The following TMEM132B variants were observed in gnomAD, a reference collection of about 807,000 sequenced individuals.
The protein encoded by TMEM132B is transmembrane protein 132B.
Under a neutral mutation model 90.8 loss-of-function variants are expected in TMEM132B, and 18 were observed. The ratio of observed to expected loss-of-function variants is 0.20; its 90% CI spans 0.14 to 0.29. The LOEUF (loss-of-function observed/expected upper bound fraction) is 0.29. TMEM132B is among the 10% of genes least tolerant of loss of function. TMEM132B has a pLI of 1.00. For synonymous variants in TMEM132B, 504 were observed against 523.3 expected (o/e 0.96, Z 0.50); for missense variants, 1,096 against 1,326.8 (o/e 0.83, Z 2.70).
At position 125,458,162 on chromosome 12, in the gene TMEM132B, G is replaced by A. The variant is rs569991857; in HGVS notation, c.1106+42485G>A. ...AGGACTCAGGGACAGAATCTGTGTGGGGGATGGAGCTGAGTGGGAGGCAGT... is the reference window on the plus strand; with the variant it reads ...AGGACTCAGGGACAGAATCTGTGTGAGGGATGGAGCTGAGTGGGAGGCAGT... On this transcript the variant is annotated intron_variant, in intron 3 of 8. Transcript: ENST00000682704. The surrounding 1 kb of genome is among the most constrained non-coding windows in gnomAD (Gnocchi z 4.9). 3.8e-4 allele frequency among the ~76,000 whole-genome samples: 58 copies of A among 152,172 alleles called. 1 individual carries two copies. In the South Asian group the frequency reaches 8.5e-3, roughly 22 times the overall value.
At chr12:125,306,514 G>A (rs1875973782) in intron 1 of TMEM132B, among the ~76,000 whole-genome samples, 2 of 152,136 alleles carry the variant, frequency 1.3e-5, no homozygotes, top group Admixed American at 6.6e-5. Flanking sequence ...ACTGCTGATG[G>A]CAATTCCATC....
At chr12:125,506,240 C>T (rs1046745098) in intron 3 of TMEM132B, among the ~76,000 whole-genome samples, 1 of 152,198 alleles carries the variant, frequency 6.6e-6, no homozygotes, top group Non-Finnish European at 1.5e-5. Context: ...CCATCAAAGC[C>T]TCATGTTAAA....
chr12:125,614,437 A>C (rs1346426513), intron 5 of TMEM132B, among the ~76,000 whole-genome samples: 2 of 152,138 alleles, frequency 1.3e-5, no homozygotes, highest in East Asian at 3.8e-4. Flanking sequence ...GCTGCAAAGG[A>C]CATGATTTCA....
chr12:125,593,774 A>G (rs1885374881), intron 5 of TMEM132B, among the ~76,000 whole-genome samples: 1 of 152,230 alleles, frequency 6.6e-6, no homozygotes, highest in Non-Finnish European at 1.5e-5. Flanking sequence ...AGAAACTCAA[A>G]TTAAAAAACT....
intron 4 of TMEM132B, among the ~76,000 whole-genome samples, chr12:125,521,464 G>A (rs1883305737): frequency 6.6e-6 from 1 of 152,368 alleles, no homozygotes; most frequent in African/African-American, 2.4e-5. Flanking sequence ...AGAGTCTGAT[G>A]TGAAGCAGAA....
intron 2 of TMEM132B, among the ~76,000 whole-genome samples, chr12:125,373,146 C>T (rs1348459237): frequency 2.0e-5 from 3 of 152,222 alleles, no homozygotes; most frequent in African/African-American, 7.2e-5. Context: ...CAGCTCCATG[C>T]GGGCAGGGAC....
intron 3 of TMEM132B, among the ~76,000 whole-genome samples, chr12:125,422,729 C>T (rs940444316): frequency 1.3e-5 from 2 of 152,108 alleles, no homozygotes; most frequent in African/African-American, 2.4e-5. Context: ...GACAGGGATG[C>T]GAGTGATGCA....
At chr12:125,531,179 T>G (rs1015664273) in intron 4 of TMEM132B, among the ~76,000 whole-genome samples, 2 of 152,176 alleles carry the variant, frequency 1.3e-5, no homozygotes, top group African/African-American at 4.8e-5. Flanking sequence ...TCTTTTCTTT[T>G]TGTTTTGTTT....
At chr12:125,261,547 C>T (rs1000843863) in intron 1 of TMEM132B, among the ~76,000 whole-genome samples, 1 of 152,152 alleles carries the variant, frequency 6.6e-6, no homozygotes, top group African/African-American at 2.4e-5. Flanking sequence ...ATTTCCTATA[C>T]CCCAAATCAG....
At chr12:125,628,531 T>C (rs1043450489) in intron 5 of TMEM132B, among the ~76,000 whole-genome samples, 2 of 152,302 alleles carry the variant, frequency 1.3e-5, no homozygotes, top group Middle Eastern at 3.4e-3. Flanking sequence ...GAGCTCCTTA[T>C]ATATTCTGGC....
At chr12:125,637,595 G>C (rs1472273086) in intron 5 of TMEM132B, among the ~76,000 whole-genome samples, 1 of 152,124 alleles carries the variant, frequency 6.6e-6, no homozygotes, top group Non-Finnish European at 1.5e-5. Flanking sequence ...ACTTGAAGCG[G>C]GTAGGGGACT....
chr12:125,548,569 A>G (rs1419435424), intron 4 of TMEM132B, among the ~76,000 whole-genome samples: 1 of 152,200 alleles, frequency 6.6e-6, no homozygotes, highest in Non-Finnish European at 1.5e-5. Context: ...GAGACAGGAA[A>G]GGCTCACAGT....
intron 1 of TMEM132B, among the ~76,000 whole-genome samples, chr12:125,320,775 T>C (rs1443211465): frequency 6.6e-6 from 1 of 152,206 alleles, no homozygotes; most frequent in Non-Finnish European, 1.5e-5. Flanking sequence ...AGGCTGGTCT[T>C]AGACATTGGG....
intron 3 of TMEM132B, among the ~76,000 whole-genome samples, chr12:125,505,615 C>T (rs1882826497): frequency 6.6e-6 from 1 of 151,566 alleles, no homozygotes; most frequent in Non-Finnish European, 1.5e-5. Flanking sequence ...AGGAGAATCG[C>T]ATGAACCGGG....
intron 1 of TMEM132B, among the ~76,000 whole-genome samples, chr12:125,319,721 A>G (rs1278895278): frequency 6.6e-6 from 1 of 152,180 alleles, no homozygotes; most frequent in Non-Finnish European, 1.5e-5. Context: ...CAGTGATCAG[A>G]AGGGAGCCAC....
At chr12:125,409,706 TGGAGTGAGTGGAGTGGAGTGAGTG>T (rs1879657741) in intron 2 of TMEM132B, among the ~76,000 whole-genome samples, 1 of 33,186 alleles carries the variant, frequency 3.0e-5, no homozygotes. Context: ...TGGAGTGGAG[TGGAGTGAGTGGAGTGGAGTGAGTG>T]GAGTGGAGTG....
In TMEM132B at chr12:125,458,599, A is replaced by T. The variant is rs1033415713; in HGVS notation, c.1106+42922A>T. Among the ~76,000 whole-genome samples the T allele has an allele frequency of 6.6e-6, 1 of 152,090 alleles. No homozygotes were observed. The highest frequency in any genetic ancestry group is 1.5e-5 in the Non-Finnish European group (1 of 67,994). On this transcript the variant is annotated intron_variant, in intron 3 of 8. Transcript: ENST00000682704. This position sits in a 1 kb window ranked among gnomAD's most constrained non-coding sequence, Gnocchi z 4.9. ...AGAGCAGCCAGGTGGAGATCAGATC[A>T]CACATGGAGCTGGCTCAGGACCCCT...
At chr12:125,280,480 C>T (rs901315322) in intron 1 of TMEM132B, among the ~76,000 whole-genome samples, 1 of 152,216 alleles carries the variant, frequency 6.6e-6, no homozygotes, top group Admixed American at 6.5e-5. Flanking sequence ...ATGCCAATGG[C>T]TTAAAATAAC....
intron 4 of TMEM132B, among the ~76,000 whole-genome samples, chr12:125,581,281 G>A (rs1885047457): frequency 6.6e-6 from 1 of 152,178 alleles, no homozygotes; most frequent in African/African-American, 2.4e-5. Context: ...TTGTCCTCAT[G>A]TGTTAAGAAT....
Sources: gnomAD v4.1 joint callset for allele counts (sites outside exome capture counted in the v4.1 genomes callset) on GRCh38, gnomAD v4.1.1 for gene constraint, Gnocchi (gnomAD v3.1) non-coding constraint, MANE v1.5 for transcripts, NCBI Gene and HGNC (gene_info 2026-07-23, HGNC 2026-07-21) for gene names.